Variants in GRID1 observed in about 807,000 individuals in gnomAD.
GRID1 encodes the protein glutamate ionotropic receptor delta type subunit 1.
In GRID1, 28 loss-of-function variants were observed where a neutral mutation model predicts 98.0. The ratio of observed to expected loss-of-function variants is 0.29; its 90% confidence interval spans 0.21 to 0.39. The LOEUF is 0.39. Among genes scored for constraint, GRID1 ranks in the 10% least tolerant of loss-of-function variants. GRID1 has a pLI of 1.00. For missense variants in GRID1, 1,111 were observed against 1,340.5 expected, an observed-to-expected ratio of 0.83 and a Z score of 2.67; for synonymous variants, 553 against 538.5, an observed-to-expected ratio of 1.03 and a Z score of -0.37.
At chr10:85,903,081 T>G (rs1841412318) in intron 5 of GRID1, among the ~76,000 whole-genome samples, 1 of 152,268 alleles carries the variant, frequency 6.6e-6, no homozygotes, top group South Asian at 2.1e-4. Flanking sequence ...ATCCCCTATA[T>G]GCAGATGGTT....
chr10:86,010,624 G>C (rs1842913355), intron 4 of GRID1, among the ~76,000 whole-genome samples: 1 of 152,054 alleles, frequency 6.6e-6, no homozygotes, highest in African/African-American at 2.4e-5. Flanking sequence ...TTGGAGACAG[G>C]CCTGGGCAAT....
At chr10:85,789,275 A>C (rs1384502811) in intron 8 of GRID1, among the ~76,000 whole-genome samples, 3 of 152,130 alleles carry the variant, frequency 2.0e-5, no homozygotes, top group Non-Finnish European at 1.5e-5. Context: ...GACACCTGCC[A>C]AAGCTGACAC....
intron 2 of GRID1, among the ~76,000 whole-genome samples, chr10:86,211,222 T>C (rs1333627838): frequency 6.6e-6 from 1 of 152,224 alleles, no homozygotes; most frequent in Admixed American, 6.5e-5. Context: ...TGCTCAAAGA[T>C]GTTTTTACAG....
At chr10:85,935,671 C>A (rs1432681566) in intron 4 of GRID1, among the ~76,000 whole-genome samples, 1 of 152,226 alleles carries the variant, frequency 6.6e-6, no homozygotes, top group Non-Finnish European at 1.5e-5. Flanking sequence ...TTTCTATATG[C>A]CAGGCACTGT....
intron 12 of GRID1, among the ~76,000 whole-genome samples, chr10:85,716,346 G>C (rs1315948548): frequency 6.6e-6 from 1 of 152,104 alleles, no homozygotes; most frequent in East Asian, 1.9e-4. Flanking sequence ...TCACTCATAG[G>C]TGGGAATTGA....
intron 12 of GRID1, among the ~76,000 whole-genome samples, chr10:85,684,981 T>C (rs957809771): frequency 6.6e-6 from 1 of 152,202 alleles, no homozygotes; most frequent in Non-Finnish European, 1.5e-5. Flanking sequence ...TGTCTCCAGA[T>C]ATTTACCACA....
At chr10:85,932,464 C>T (rs932836008) in intron 4 of GRID1, among the ~76,000 whole-genome samples, 7 of 152,220 alleles carry the variant, frequency 4.6e-5, no homozygotes, top group African/African-American at 1.7e-4. Context: ...ATGCTCCTGC[C>T]TCAACCTCTC....
chr10:86,232,194 C>T (rs534590726), intron 2 of GRID1, among the ~76,000 whole-genome samples: 2 of 152,254 alleles, frequency 1.3e-5, no homozygotes, highest in African/African-American at 2.4e-5. Flanking sequence ...AACTGGGAGG[C>T]CAGGGAGGGC....
chr10:86,190,108 C>T (rs764185446), intron 3 of GRID1, among the ~76,000 whole-genome samples: 7 of 152,148 alleles, frequency 4.6e-5, no homozygotes, highest in Non-Finnish European at 8.8e-5. Flanking sequence ...CAAAACACAC[C>T]GTTACCTTGA....
chr10:85,705,616 G>A (rs1347458618), intron 12 of GRID1, among the ~76,000 whole-genome samples: 1 of 152,186 alleles, frequency 6.6e-6, no homozygotes, highest in South Asian at 2.1e-4. Context: ...TATGAGGCCA[G>A]CATCATCCTG....
intron 6 of GRID1, among the ~76,000 whole-genome samples, chr10:85,867,094 T>C (rs1256419486): frequency 8.5e-5 from 13 of 152,284 alleles, no homozygotes; most frequent in Middle Eastern, 3.4e-3. Flanking sequence ...TCTCTCTTTC[T>C]CTCTCCTCCA....
intron 14 of GRID1, among the ~76,000 whole-genome samples, chr10:85,614,458 C>T (rs1397133059): frequency 3.3e-5 from 5 of 152,292 alleles, no homozygotes; most frequent in Non-Finnish European, 4.4e-5. Context: ...GCATGCCAGT[C>T]CTTTGAGATG....
chr10:85,873,228 T>A (rs1191401080), intron 5 of GRID1, among the ~76,000 whole-genome samples: 2 of 152,200 alleles, frequency 1.3e-5, no homozygotes, highest in Non-Finnish European at 2.9e-5. Context: ...CCTCGGGACC[T>A]TCTTAAGTGT....
chr10:85,796,102 T>C (rs539431816), intron 8 of GRID1, among the ~76,000 whole-genome samples: 1 of 152,160 alleles, frequency 6.6e-6, no homozygotes, highest in African/African-American at 2.4e-5. Context: ...TGGTCAGAGA[T>C]AGCAATGACA....
chr10:86,332,939 T>A (rs963959606), intron 2 of GRID1, among the ~76,000 whole-genome samples: 52 of 152,130 alleles, frequency 3.4e-4, no homozygotes, highest in African/African-American at 1.2e-3. Flanking sequence ...GGCTGCACCA[T>A]CAGCCTGTCC....
In GRID1 at chr10:86,270,512, C is replaced by T. The variant is rs574283169; in HGVS notation, c.236-63864G>A. ...CGAAACCACCCTGGCCAACATGGTG[C>T]AGCCCTGTCTCTAGCAAAAACACAA... On this transcript the variant is annotated intron_variant, in intron 2 of 15. Transcript: ENST00000327946. Among the ~76,000 whole-genome samples the T allele has an allele frequency of 1.5e-3, 232 of 152,182 alleles. 2 individuals carry two copies. Among genetic ancestry groups the T allele is most frequent in the Non-Finnish European group, 9.3e-4 (63 of 68,010 alleles).
chr10:86,258,051 C>G (rs1358075731), intron 2 of GRID1, among the ~76,000 whole-genome samples: 1 of 152,148 alleles, frequency 6.6e-6, no homozygotes, highest in Admixed American at 6.6e-5. Context: ...TAGTTTTCTA[C>G]CCCAGTGAGG....
At chr10:85,924,830 G>T (rs979332093) in intron 4 of GRID1, among the ~76,000 whole-genome samples, 48 of 152,276 alleles carry the variant, frequency 3.2e-4, no homozygotes, top group African/African-American at 1.1e-3. Context: ...GTCTGAGCTC[G>T]ACAGCCAGTC....
intron 4 of GRID1, among the ~76,000 whole-genome samples, chr10:86,032,476 A>T (rs894387992): frequency 1.3e-5 from 2 of 152,260 alleles, no homozygotes; most frequent in African/African-American, 4.8e-5. Flanking sequence ...TTTGTTCTGT[A>T]CTAAGAAAAA....
Sources: allele counts gnomAD v4.1 joint callset (sites outside exome capture counted in the v4.1 genomes callset), GRCh38; gene constraint gnomAD v4.1.1; transcripts MANE v1.5; gene names NCBI Gene and HGNC (gene_info 2026-07-23, HGNC 2026-07-21).